The following SPG7 variants were observed in gnomAD, a reference collection of about 807,000 sequenced individuals.
SPG7 encodes the protein SPG7 matrix AAA peptidase subunit, paraplegin, also known as mitochondrial inner membrane m-AAA protease component paraplegin.
Under a neutral mutation model 81.9 loss-of-function variants are expected in SPG7, and 103 were observed. The ratio of observed to expected loss-of-function variants is 1.26; its 90% CI spans 1.07 to 1.48. The LOEUF (loss-of-function observed/expected upper bound fraction) is 1.48. SPG7 is among the 40% of genes most tolerant of loss of function. The pLI is 0.00. For missense variants in SPG7, 1,241 were observed against 1,087.3 expected (o/e 1.14, Z -1.99); for synonymous variants, 534 against 444.2 (o/e 1.20, Z -2.54).
chr16:89,532,089 G>C (rs2058351439), intron 8 of SPG7, 23 bp downstream of exon 8: 1 of 1,609,486 alleles, frequency 6.2e-7, no homozygotes, highest in Non-Finnish European at 8.5e-7. Flanking sequence ...GTTGGGGGCT[G>C]TGGGTGGGCT....
intron 4 of SPG7, among the ~76,000 whole-genome samples, chr16:89,525,398 C>G (rs1567907651): frequency 6.6e-6 from 1 of 152,198 alleles, no homozygotes; most frequent in Non-Finnish European, 1.5e-5. Context: ...GTTATTTTAA[C>G]CTACAACACT....
At position 89,510,470 on chromosome 16, in the gene SPG7, T is replaced by TG; in HGVS notation, c.184-19dup. 3 of 1,351,474 alleles carry TG rather than the reference T, an allele frequency of 2.2e-6. No individual in the cohort carries two copies. The highest frequency in any genetic ancestry group is 3.1e-6 in the Non-Finnish European group (3 of 956,808). 83.7% of individuals were successfully genotyped at this position (1,351,474 alleles called of 1,614,324 possible). A position where few individuals can be genotyped will look rare whatever the true frequency, so the allele number is the denominator to read the frequency against. On this transcript the variant is annotated intron_variant, in intron 1 of 16. Transcript: ENST00000645818. ...CTAATGTTGGTGTGACCTCCAGTAT[T>TG]GTTTTTTTTTTTTTTTCAGAGCTTA...
At chr16:89,509,946 GC>G (rs1320063375) in intron 1 of SPG7, among the ~76,000 whole-genome samples, 3 of 151,672 alleles carry the variant, frequency 2.0e-5, no homozygotes, top group Non-Finnish European at 2.9e-5. Context: ...GAGCCACCGT[GC>G]CTGGCCACTA....
chr16:89,537,283 G>C (rs1393026713), intron 9 of SPG7: 5 of 1,304,952 alleles, frequency 3.8e-6, no homozygotes, highest in Non-Finnish European at 4.9e-6. Flanking sequence ...GCGGACCCCA[G>C]AGCCCCCGGG....
chr16:89,532,736 C>G, intron 9 of SPG7, 100 bp downstream of exon 9: 1 of 1,410,696 alleles, frequency 7.1e-7, no homozygotes, highest in Non-Finnish European at 9.9e-7. Context: ...TGTCACTGCA[C>G]TCCGGCCTGG....
chr16:89,543,539 T>C, intron 9 of SPG7: 1 of 151,800 alleles, frequency 6.6e-6, no homozygotes, highest in Non-Finnish European at 1.5e-5. Context: ...GGTTTCACCC[T>C]TTTGGCCAGG....
intron 4 of SPG7, 29 bp from the exon 5 acceptor site, chr16:89,526,300 C>T (rs1379639118): frequency 1.9e-6 from 3 of 1,613,428 alleles, no homozygotes; most frequent in African/African-American, 1.3e-5. Context: ...CTGCGTTTCT[C>T]ATGGTCCCCT....
At chr16:89,541,370 C>G in intron 9 of SPG7, 1 of 951,914 alleles carries the variant, frequency 1.1e-6, no homozygotes, top group Non-Finnish European at 1.3e-6. Flanking sequence ...GGCTTAGTAT[C>G]GTATGACTCC....
rs74455160 is a variant in SPG7 at position 89,523,345 on chromosome 16, A to C, written c.377-661A>C. 5.8e-3 allele frequency: 1,535 copies of C among 266,652 alleles called. 28 individuals are homozygous for C. The highest frequency in any genetic ancestry group is 0.032 in the African/African-American group (1,448 of 45,060). The allele number at this position is 266,652 out of a possible 1,614,324, so 16.5% of individuals were successfully genotyped here. On this transcript the variant is annotated intron_variant, in intron 3 of 16. Coordinates refer to ENST00000645818, the MANE Select transcript of SPG7 (RefSeq NM_003119.4). ...CATTCTGATGAGTAAAAAGTTCAGA[A>C]TGGTTGTTGGGTAGGGAGAGAGAAG... is the stretch of plus-strand genomic sequence containing the variant.
At chr16:89,556,864 A>G (rs1166773836) in intron 16 of SPG7, 23 bp from the exon 17 acceptor site, 1 of 1,592,190 alleles carries the variant, frequency 6.3e-7, no homozygotes, top group Non-Finnish European at 8.6e-7. Flanking sequence ...GGACTCACAC[A>G]CTGCTATGCC....
chr16:89,548,063 C>G lies in SPG7; in HGVS notation c.1613C>G (p.Thr538Ser), dbSNP rs1160298693. 1.2e-6 allele frequency: 2 copies of G among 1,610,986 alleles called. No homozygotes were observed. Among genetic ancestry groups the G allele is most frequent in the South Asian group, 2.2e-5 (2 of 91,088 alleles). Residue 538 changes from threonine (T) to serine (S), a missense_variant, in exon 12 of 17, where the codon ACT becomes AGT. By Grantham distance (58) the Thr-to-Ser change is moderately conservative. Transcript: ENST00000645818. ...CTGCACGCGGCGCGGGAGGGACACA[C>G]TTCCGTGCACACTCTCAACTTCGAG... Reference protein sequence around the residue: ...AALHAAREGHTSVHTLNFEYA... With the variant: ...AALHAAREGHSSVHTLNFEYA...
intron 9 of SPG7, chr16:89,536,637 CGGGCGAGGT>C (rs1213340072): frequency 5.6e-6 from 6 of 1,075,768 alleles, no homozygotes; most frequent in South Asian, 1.3e-5. Flanking sequence ...GCGGGTGAGG[CGGGCGAGGT>C]GGGCGAGGCA....
At chr16:89,536,614 G>A in intron 9 of SPG7, 1 of 852,586 alleles carries the variant, frequency 1.2e-6, no homozygotes, top group East Asian at 2.6e-5. Flanking sequence ...TGAGGTGGGT[G>A]AGGCGGGTGA....
In SPG7 at chr16:89,553,801, G is replaced by A. The variant is rs747900337; in HGVS notation, c.1944G>A (p.Gln648=). ...CTCGACCCCGCCCTCCAGGGGCACA[G>A]GACGACCTGAGGAAGGTCACCCGCA... ...LSFNEVTSGA[Q]DDLRKVTRIA... The change falls in exon 15 of 17, where the codon CAG becomes CAA. Residue 648 remains glutamine (Q), a synonymous_variant. Coordinates refer to ENST00000645818, the MANE Select transcript of SPG7 (RefSeq NM_003119.4). 3.1e-6 allele frequency: 5 copies of A among 1,613,352 alleles called. No individual in the cohort carries two copies. Among genetic ancestry groups the A allele is most frequent in the African/African-American group, 2.7e-5 (2 of 74,944 alleles).
chr16:89,531,115 C>A (rs1040523387), intron 7 of SPG7: 2 of 478,770 alleles, frequency 4.2e-6, no homozygotes, highest in Admixed American at 3.3e-5. Context: ...AACACCTTAG[C>A]CAGTTGGTGG....
chr16:89,550,763 C>T (rs996338405), intron 13 of SPG7, among the ~76,000 whole-genome samples, 154 bp downstream of exon 13: 1 of 152,120 alleles, frequency 6.6e-6, no homozygotes, highest in African/African-American at 2.4e-5. Flanking sequence ...GGAAAGCCTG[C>T]CACTGTCATG....
At chr16:89,511,357 T>G (rs1438011094) in intron 2 of SPG7, among the ~76,000 whole-genome samples, 3 of 152,242 alleles carry the variant, frequency 2.0e-5, no homozygotes, top group Non-Finnish European at 4.4e-5. Flanking sequence ...TGGTCTCTCT[T>G]GGCTTTAGGT....
At chr16:89,540,843 C>T in intron 9 of SPG7, 1 of 947,152 alleles carries the variant, frequency 1.1e-6, no homozygotes, top group Non-Finnish European at 1.3e-6. Flanking sequence ...ACACGAAATG[C>T]CTGGGCGCCG....
At chr16:89,508,671 G>A (rs1372149379) in intron 1 of SPG7, 71 bp downstream of exon 1, 4 of 1,379,980 alleles carry the variant, frequency 2.9e-6, no homozygotes, top group Non-Finnish European at 3.8e-6. Context: ...CCGGCGGGGC[G>A]GGTCGGAGGC....
Sources: gnomAD v4.1 joint callset for allele counts (sites outside exome capture counted in the v4.1 genomes callset) on GRCh38, gnomAD v4.1.1 for gene constraint, MANE v1.5 for transcripts, NCBI Gene and HGNC (gene_info 2026-07-23, HGNC 2026-07-21) for gene names.